CNTN3: variants seen among roughly 807,000 people sequenced by gnomAD.
CNTN3 encodes contactin 3.
CNTN3 carries 60 observed loss-of-function variants against 119.1 expected under a neutral mutation model. The observed-to-expected ratio is 0.50, with a 90% confidence interval of 0.41 to 0.62. The LOEUF is 0.62. CNTN3 is among the 20% of genes least tolerant of loss of function. The pLI is 0.00. For missense variants in CNTN3, 1,101 were observed against 1,242.4 expected (o/e 0.89, Z 1.71); for synonymous variants, 450 against 438.7 (o/e 1.03, Z -0.32).
At chr3:74,320,231 C>T (rs1702952777) in intron 13 of CNTN3, among the ~76,000 whole-genome samples, 1 of 152,138 alleles carries the variant, frequency 6.6e-6, no homozygotes. Flanking sequence ...GTGTTTATTG[C>T]AGCACTATTC....
chr3:74,589,045 G>A (rs201995745), intron 1 of CNTN3, among the ~76,000 whole-genome samples: 21,334 of 150,072 alleles, frequency 0.14, 3,133 homozygotes, highest in African/African-American at 0.39. Flanking sequence ...CATAGGCATG[G>A]GCAAGGACTT....
intron 2 of CNTN3, among the ~76,000 whole-genome samples, chr3:74,502,693 T>C (rs773039453): frequency 6.6e-6 from 1 of 152,126 alleles, no homozygotes; most frequent in Non-Finnish European, 1.5e-5. Context: ...TTGTTCTCCT[T>C]GTGTTCTGGT....
chr3:74,278,023 C>CAA lies in CNTN3; in HGVS notation c.2704+7280_2704+7281dup, dbSNP rs747488908. 3.7e-5 allele frequency among the ~76,000 whole-genome samples: 4 copies of CAA among 108,282 alleles called. No homozygotes were observed. In the East Asian group the frequency reaches 1.7e-3, roughly 45 times the overall value. The allele number at this position is 108,282 out of a possible 152,430, so 71.0% of individuals were successfully genotyped here. On this transcript the variant is annotated intron_variant, in intron 20 of 22. Transcript: ENST00000263665. ...ACTCAACCCCTTTTACAATAGCTGC[C>CAA]AAAAAAAAAAAACCACTTATGAATA... is the stretch of plus-strand genomic sequence containing the variant.
At chr3:74,531,628 GAGA>G (rs1210861518) in intron 1 of CNTN3, among the ~76,000 whole-genome samples, 2 of 151,988 alleles carry the variant, frequency 1.3e-5, no homozygotes, top group African/African-American at 4.8e-5. Flanking sequence ...TGGGCCGAGG[GAGA>G]AGGTTAGAGA....
intron 1 of CNTN3, among the ~76,000 whole-genome samples, chr3:74,602,946 T>A (rs1394674900): frequency 6.6e-6 from 1 of 152,114 alleles, no homozygotes; most frequent in East Asian, 1.9e-4. Context: ...AGACAAAATC[T>A]GAAATGAAGA....
chr3:74,425,568 C>A (rs1461530706), intron 4 of CNTN3, among the ~76,000 whole-genome samples: 1 of 151,978 alleles, frequency 6.6e-6, no homozygotes, highest in Non-Finnish European at 1.5e-5. Flanking sequence ...AATGAACTAA[C>A]CAGACAATAT....
chr3:74,534,815 C>T (rs1226175472), intron 1 of CNTN3, among the ~76,000 whole-genome samples: 3 of 151,780 alleles, frequency 2.0e-5, no homozygotes, highest in Non-Finnish European at 2.9e-5. Context: ...AAAGTAATTG[C>T]GGTTTTTGCC....
At chr3:74,602,060 G>A (rs967765203) in intron 1 of CNTN3, among the ~76,000 whole-genome samples, 5 of 151,870 alleles carry the variant, frequency 3.3e-5, no homozygotes, top group Non-Finnish European at 4.4e-5. Context: ...TATAATCCCA[G>A]TACTTTGGGA....
At chr3:74,297,065 G>C (rs1337547049) in intron 18 of CNTN3, among the ~76,000 whole-genome samples, 2 of 152,148 alleles carry the variant, frequency 1.3e-5, no homozygotes, top group Non-Finnish European at 2.9e-5. Context: ...AAGTATGTCT[G>C]TATCTCCACC....
intron 1 of CNTN3, among the ~76,000 whole-genome samples, chr3:74,531,812 C>A (rs1372554193): frequency 1.3e-5 from 2 of 151,732 alleles, no homozygotes; most frequent in African/African-American, 4.8e-5. Flanking sequence ...AGATAGATGT[C>A]CTGGGGCTGG....
intron 1 of CNTN3, among the ~76,000 whole-genome samples, chr3:74,586,005 T>C (rs1049027484): frequency 6.6e-6 from 1 of 152,126 alleles, no homozygotes; most frequent in South Asian, 2.1e-4. Flanking sequence ...ACCAACCCAC[T>C]GGGATAATGG....
At chr3:74,480,122 G>A (rs1042498676) in intron 4 of CNTN3, among the ~76,000 whole-genome samples, 19 of 151,974 alleles carry the variant, frequency 1.3e-4, no homozygotes, top group Admixed American at 1.1e-3. Flanking sequence ...TAATAACATG[G>A]CCTAAGCTGA....
intron 2 of CNTN3, among the ~76,000 whole-genome samples, chr3:74,504,412 T>C (rs1300859537): frequency 6.6e-6 from 1 of 152,120 alleles, no homozygotes; most frequent in African/African-American, 2.4e-5. Flanking sequence ...TGAAATAAGA[T>C]CTATATTCTA....
chr3:74,614,167 C>A (rs1441490345), intron 1 of CNTN3, among the ~76,000 whole-genome samples: 2 of 152,190 alleles, frequency 1.3e-5, no homozygotes, highest in African/African-American at 4.8e-5. Flanking sequence ...GGGGATGCAG[C>A]CTTCCCAACC....
intron 22 of CNTN3, among the ~76,000 whole-genome samples, chr3:74,265,690 G>A (rs1319454658): frequency 1.3e-5 from 2 of 152,006 alleles, no homozygotes; most frequent in Non-Finnish European, 2.9e-5. Flanking sequence ...ACTAATGTCT[G>A]CCATTTTGTT....
intron 4 of CNTN3, among the ~76,000 whole-genome samples, chr3:74,470,608 G>A (rs180840775): frequency 2.6e-5 from 4 of 152,220 alleles, no homozygotes; most frequent in Middle Eastern, 3.4e-3. Context: ...TATGGCCCGG[G>A]CAAACATGAA....
intron 12 of CNTN3, 80 bp from the exon 13 acceptor site, chr3:74,334,990 C>G (rs1703355681): frequency 1.9e-6 from 2 of 1,040,964 alleles, no homozygotes; most frequent in Non-Finnish European, 2.9e-6. Flanking sequence ...GTTCATCTAA[C>G]TTATACTGTG....
intron 4 of CNTN3, among the ~76,000 whole-genome samples, chr3:74,449,903 A>G (rs554401081): frequency 6.6e-6 from 1 of 152,278 alleles, no homozygotes; most frequent in African/African-American, 2.4e-5. Flanking sequence ...AATGTTCTGG[A>G]CCATAAGGCA....
intron 2 of CNTN3, among the ~76,000 whole-genome samples, chr3:74,501,196 TCAGA>T (rs1333987731): frequency 6.6e-6 from 1 of 151,448 alleles, no homozygotes; most frequent in African/African-American, 2.4e-5. Flanking sequence ...ACTGGCCACA[TCAGA>T]CAGACTAACC....
Sources: allele counts gnomAD v4.1 joint callset (sites outside exome capture counted in the v4.1 genomes callset), GRCh38; gene constraint gnomAD v4.1.1; transcripts MANE v1.5; gene names NCBI Gene and HGNC (gene_info 2026-07-23, HGNC 2026-07-21).